The following MALRD1 variants were observed in gnomAD, a reference collection of about 807,000 sequenced individuals.
MALRD1 encodes MAM and LDL receptor class A domain containing 1, also known as MAM and LDL-receptor class A domain-containing protein 1.
Under a neutral mutation model 242.1 loss-of-function variants are expected in MALRD1, and 247 were observed. The observed-to-expected ratio is 1.02, with a 90% CI of 0.92 to 1.13. MALRD1 has a LOEUF of 1.13. Among genes scored for constraint, MALRD1 ranks in the 50% most tolerant of loss-of-function variants. The probability of loss-of-function intolerance (pLI) is 0.00; values close to 1 mark genes in which losing one functional copy is unlikely to be tolerated. For synonymous variants in MALRD1, 995 were observed against 866.6 expected (o/e 1.15, Z -2.60); for missense variants, 2,989 against 2,533.1 (o/e 1.18, Z -3.86).
At chr10:19,553,310 T>C (rs1017890174) in intron 32 of MALRD1, among the ~76,000 whole-genome samples, 3 of 152,186 alleles carry the variant, frequency 2.0e-5, no homozygotes, top group Admixed American at 2.0e-4. Context: ...TTTCTGTATA[T>C]ATGTATGGAT....
At chr10:19,174,250 G>A (rs1408513076) in intron 13 of MALRD1, among the ~76,000 whole-genome samples, 1 of 152,090 alleles carries the variant, frequency 6.6e-6, no homozygotes, top group Non-Finnish European at 1.5e-5. Flanking sequence ...CCTATTTTGA[G>A]GAGAAGTAAG....
chr10:19,362,951 G>T (rs941714294), intron 26 of MALRD1, among the ~76,000 whole-genome samples: 2 of 152,034 alleles, frequency 1.3e-5, no homozygotes, highest in Non-Finnish European at 2.9e-5. Flanking sequence ...AGAGATTTTT[G>T]ATTTGAGGCC....
At chr10:19,178,070 G>T (rs1447653958) in intron 14 of MALRD1, among the ~76,000 whole-genome samples, 1 of 152,064 alleles carries the variant, frequency 6.6e-6, no homozygotes, top group Non-Finnish European at 1.5e-5. Flanking sequence ...TGTGGTTAAA[G>T]GTTTTAAATC....
intron 34 of MALRD1, among the ~76,000 whole-genome samples, chr10:19,595,803 G>T (rs894230652): frequency 2.0e-5 from 3 of 152,108 alleles, no homozygotes; most frequent in African/African-American, 7.2e-5. Context: ...TACCATAAAG[G>T]TTCATGAAAA....
At chr10:19,531,120 T>A in intron 31 of MALRD1, 74 bp from the exon 32 acceptor site, 1 of 1,248,662 alleles carries the variant, frequency 8.0e-7, no homozygotes, top group South Asian at 1.6e-5. Flanking sequence ...AGATATCTGT[T>A]AATAGTTTAA....
chr10:19,643,278 A>G (rs527694042), intron 36 of MALRD1, among the ~76,000 whole-genome samples: 122 of 152,110 alleles, frequency 8.0e-4, no homozygotes, highest in African/African-American at 2.8e-3. Context: ...ATAAAAATAC[A>G]GAAAAAAGAA....
At chr10:19,702,494 T>G (rs751070031) in intron 38 of MALRD1, among the ~76,000 whole-genome samples, 5 of 152,236 alleles carry the variant, frequency 3.3e-5, no homozygotes, top group Non-Finnish European at 7.3e-5. Flanking sequence ...ATTTCCATAT[T>G]AATCCTTATT....
chr10:19,295,594 C>T (rs1841658009), intron 21 of MALRD1, among the ~76,000 whole-genome samples: 1 of 151,800 alleles, frequency 6.6e-6, no homozygotes, highest in Non-Finnish European at 1.5e-5. Flanking sequence ...GAGAAAAAAG[C>T]TGGAAGTTAA....
chr10:19,409,785 TTACATTC>T (rs374067521), intron 28 of MALRD1, among the ~76,000 whole-genome samples: 81 of 152,276 alleles, frequency 5.3e-4, no homozygotes, highest in African/African-American at 1.8e-3. Flanking sequence ...TATGTTAAAT[TTACATTC>T]TAGTAGTGAT....
chr10:19,480,080 A>G (rs1362464555), intron 29 of MALRD1, among the ~76,000 whole-genome samples: 5 of 152,234 alleles, frequency 3.3e-5, no homozygotes, highest in Non-Finnish European at 2.9e-5. Flanking sequence ...CTTCTCCACC[A>G]TGTGGCTGAG....
chr10:19,521,030 GT>G (rs897180490), intron 31 of MALRD1, among the ~76,000 whole-genome samples: 32 of 152,112 alleles, frequency 2.1e-4, no homozygotes, highest in African/African-American at 7.5e-4. Flanking sequence ...TGCGTTTTTT[GT>G]TTGTGTCAAA....
At chr10:19,225,667 T>C (rs1008366150) in intron 18 of MALRD1, among the ~76,000 whole-genome samples, 2 of 152,150 alleles carry the variant, frequency 1.3e-5, no homozygotes, top group Admixed American at 1.3e-4. Context: ...ACCGTTTCCC[T>C]GACTATAACT....
chr10:19,728,681 T>C (rs1255497961), intron 38 of MALRD1: 1 of 152,206 alleles, frequency 6.6e-6, no homozygotes, highest in African/African-American at 2.4e-5. Context: ...GTCTGTCTTA[T>C]CTTTACTTAG....
chr10:19,261,445 G>A (rs192695049), intron 19 of MALRD1, among the ~76,000 whole-genome samples: 27 of 118,860 alleles, frequency 2.3e-4, no homozygotes, highest in African/African-American at 7.8e-4. Context: ...TGAGCTCTAC[G>A]TAAAAAAAAA....
intron 32 of MALRD1, among the ~76,000 whole-genome samples, chr10:19,564,981 C>G (rs1836187726): frequency 1.3e-5 from 2 of 152,072 alleles, no homozygotes; most frequent in Admixed American, 6.6e-5. Flanking sequence ...GCCACAGTGG[C>G]TATGAAAACA....
At chr10:19,086,951 C>T (rs1446599911) in intron 2 of MALRD1, among the ~76,000 whole-genome samples, 1 of 152,014 alleles carries the variant, frequency 6.6e-6, no homozygotes, top group Non-Finnish European at 1.5e-5. Flanking sequence ...CTTTTAGCTT[C>T]CCTATGTTAG....
intron 4 of MALRD1, among the ~76,000 whole-genome samples, chr10:19,097,528 G>A (rs1836085984): frequency 6.6e-6 from 1 of 152,160 alleles, no homozygotes; most frequent in South Asian, 2.1e-4. Context: ...AATGTTCAAG[G>A]AGACAAAGAA....
intron 5 of MALRD1, among the ~76,000 whole-genome samples, chr10:19,114,830 T>C (rs1836814089): frequency 6.6e-6 from 1 of 152,176 alleles, no homozygotes; most frequent in African/African-American, 2.4e-5. Flanking sequence ...TCAGCAGGAT[T>C]GATTGAGTTT....
intron 14 of MALRD1, among the ~76,000 whole-genome samples, chr10:19,199,952 C>G (rs1836448350): frequency 6.6e-6 from 1 of 151,910 alleles, no homozygotes; most frequent in Non-Finnish European, 1.5e-5. Context: ...ATGAGGAGAC[C>G]CCATCTCAAC....
Sources: allele counts gnomAD v4.1 joint callset (sites outside exome capture counted in the v4.1 genomes callset), GRCh38; gene constraint gnomAD v4.1.1; transcripts MANE v1.5; gene names NCBI Gene and HGNC (gene_info 2026-07-23, HGNC 2026-07-21).